THADA: variants seen among roughly 807,000 people sequenced by gnomAD.
The protein encoded by THADA is THADA armadillo repeat containing.
In THADA, 213 loss-of-function variants were observed where a neutral mutation model predicts 219.8. The observed-to-expected ratio is 0.97, with a 90% CI of 0.87 to 1.09. The LOEUF is 1.09. Ranked by LOEUF, THADA falls within the 50% of genes least tolerant of loss-of-function variation. THADA has a pLI of 0.00. For synonymous variants in THADA, 1,018 were observed against 828.9 expected, an observed-to-expected ratio of 1.23 and a Z score of -3.92; for missense variants, 2,956 against 2,311.3, an observed-to-expected ratio of 1.28 and a Z score of -5.72.
At chr2:43,237,400 T>TG (rs1423829677) in intron 36 of THADA, among the ~76,000 whole-genome samples, 1 of 149,138 alleles carries the variant, frequency 6.7e-6, no homozygotes, top group Non-Finnish European at 1.5e-5. Flanking sequence ...TCATTTGATT[T>TG]TTTTTTTTTT....
intron 30 of THADA, among the ~76,000 whole-genome samples, chr2:43,334,822 G>A (rs1310428751): frequency 6.6e-6 from 1 of 152,152 alleles, no homozygotes; most frequent in African/African-American, 2.4e-5. Context: ...ACAGGGCACT[G>A]AGGCCACTGG....
chr2:43,415,715 C>T (rs773179000), intron 28 of THADA, among the ~76,000 whole-genome samples: 5 of 151,962 alleles, frequency 3.3e-5, no homozygotes, highest in East Asian at 3.9e-4. Context: ...GTGGAGCCCC[C>T]GAGGTTCATA....
chr2:43,534,203 A>C (rs1694255849), intron 21 of THADA, among the ~76,000 whole-genome samples: 1 of 152,162 alleles, frequency 6.6e-6, no homozygotes, highest in Non-Finnish European at 1.5e-5. Context: ...TTTTTCATTG[A>C]CAAATAATTA....
At chr2:43,398,907 C>T (rs1228503600) in intron 28 of THADA, among the ~76,000 whole-genome samples, 1 of 152,146 alleles carries the variant, frequency 6.6e-6, no homozygotes, top group Non-Finnish European at 1.5e-5. Flanking sequence ...ATCCTTGACT[C>T]TGGGCTGACT....
At chr2:43,285,014 C>A (rs978866866) in intron 35 of THADA, among the ~76,000 whole-genome samples, 1 of 152,216 alleles carries the variant, frequency 6.6e-6, no homozygotes, top group South Asian at 2.1e-4. Flanking sequence ...AGCATTTACC[C>A]ACCACCTGTA....
chr2:43,342,736 C>T (rs930613546), intron 30 of THADA, among the ~76,000 whole-genome samples: 2 of 152,208 alleles, frequency 1.3e-5, no homozygotes, highest in African/African-American at 2.4e-5. Context: ...ACGTCTTTCT[C>T]ACTTCCTGGA....
At position 43,291,719 on chromosome 2, in the gene THADA, G is replaced by A. The variant is rs770850120; in HGVS notation, c.4987C>T (p.His1663Tyr). The stretch of plus-strand genomic sequence containing the variant: ...ACCTCCACACATGTCTGCATGTGGT[G>A]GGAAATGACTTTGGAAGCAAGTCTC... The part of the protein sequence containing the change: ...ALRLASKVIS[H>Y]HMQTCVENRE... Residue 1663 changes from histidine to tyrosine, a missense_variant, in exon 34 of 38, where the codon CAC becomes TAC. Transcript: ENST00000405975. 22 of 1,557,330 alleles carry A rather than the reference G, an allele frequency of 1.4e-5. No homozygotes were observed. The South Asian group carries it at 1.5e-4, about 11-fold the overall frequency.
At chr2:43,286,303 T>G (rs1673998894) in intron 35 of THADA, among the ~76,000 whole-genome samples, 1 of 151,706 alleles carries the variant, frequency 6.6e-6, no homozygotes, top group Non-Finnish European at 1.5e-5. Context: ...TGCTAAAGGG[T>G]GTTTAGGCTT....
At chr2:43,447,637 C>T (rs772574379) in intron 26 of THADA, among the ~76,000 whole-genome samples, 1 of 152,172 alleles carries the variant, frequency 6.6e-6, no homozygotes, top group Non-Finnish European at 1.5e-5. Flanking sequence ...CCAAGCAAAT[C>T]AGAGTCAAGG....
At chr2:43,357,460 C>T (rs978646558) in intron 29 of THADA, among the ~76,000 whole-genome samples, 3 of 152,262 alleles carry the variant, frequency 2.0e-5, no homozygotes, top group African/African-American at 4.8e-5. Flanking sequence ...CTTGAAAGTC[C>T]GGCATTTGCT....
At chr2:43,376,014 T>A (rs1441097699) in intron 29 of THADA, among the ~76,000 whole-genome samples, 2 of 152,212 alleles carry the variant, frequency 1.3e-5, no homozygotes, top group African/African-American at 4.8e-5. Context: ...TGAAGCCAGA[T>A]AAACATTGTG....
intron 29 of THADA, among the ~76,000 whole-genome samples, chr2:43,351,275 C>A (rs1340159828): frequency 6.6e-6 from 1 of 152,174 alleles, no homozygotes; most frequent in Non-Finnish European, 1.5e-5. Context: ...CTCAATCTAC[C>A]TTTCCAGATT....
At position 43,384,077 on chromosome 2, in the gene THADA, T is replaced by G. The variant is rs1441801704; in HGVS notation, c.4227+13894A>C. Among the ~76,000 whole-genome samples the G allele has an allele frequency of 2.0e-5, 3 of 152,174 alleles. No homozygotes were observed. In the South Asian group the frequency reaches 6.2e-4, roughly 31 times the overall value. ...CTTACTATGATCAGTGCAGTGATAG[T>G]AAGAGTTAACTTCTGAAATGGACAG... On this transcript the variant is annotated intron_variant, in intron 29 of 37. Transcript: ENST00000405975.
intron 26 of THADA, chr2:43,430,691 G>A (rs1416980018): frequency 1.1e-5 from 5 of 455,314 alleles, no homozygotes; most frequent in East Asian, 6.9e-5. Context: ...TAGAACAAGC[G>A]TTCCCAACCC....
In THADA at chr2:43,326,183, A is replaced by C. The variant is rs866191033; in HGVS notation, c.4344-5643T>G. 4.7e-5 allele frequency among the ~76,000 whole-genome samples: 7 copies of C among 148,712 alleles called. No homozygotes were observed. In the East Asian group the frequency reaches 7.7e-4, roughly 16 times the overall value. Reference sequence around the variant, plus strand: ...TGTCTGTCAAAAAAAAAAAAAAAAAAACACTTGAAAGCCACTAGTGTAGTT... The same window carrying C: ...TGTCTGTCAAAAAAAAAAAAAAAAACACACTTGAAAGCCACTAGTGTAGTT... On this transcript the variant is annotated intron_variant, in intron 30 of 37. Coordinates refer to ENST00000405975, the MANE Select transcript of THADA (RefSeq NM_022065.5).
At chr2:43,421,914 G>A (rs1033818920) in intron 28 of THADA, among the ~76,000 whole-genome samples, 1 of 152,186 alleles carries the variant, frequency 6.6e-6, no homozygotes, top group Non-Finnish European at 1.5e-5. Flanking sequence ...AGAGATCGAA[G>A]GACCCATAAA....
At chr2:43,595,362 G>A (rs957054552) in intron 1 of THADA, among the ~76,000 whole-genome samples, 13 of 152,288 alleles carry the variant, frequency 8.5e-5, no homozygotes, top group African/African-American at 3.1e-4. Context: ...AGATCTAGAG[G>A]AATAGAGGCA....
chr2:43,312,678 T>C (rs1489460855), intron 31 of THADA, among the ~76,000 whole-genome samples: 1 of 152,044 alleles, frequency 6.6e-6, no homozygotes, highest in Non-Finnish European at 1.5e-5. Context: ...AGTTCCAGTG[T>C]TTTGGGGAAA....
intron 31 of THADA, among the ~76,000 whole-genome samples, chr2:43,319,590 C>T (rs1265680691): frequency 2.0e-5 from 3 of 152,162 alleles, no homozygotes; most frequent in East Asian, 3.9e-4. Context: ...CAGAGCTGAA[C>T]ATTGACAGCC....
Sources: gnomAD v4.1 joint callset for allele counts (sites outside exome capture counted in the v4.1 genomes callset) on GRCh38, gnomAD v4.1.1 for gene constraint, MANE v1.5 for transcripts, NCBI Gene and HGNC (gene_info 2026-07-23, HGNC 2026-07-21) for gene names.